PEX26: variants seen among roughly 807,000 people sequenced by gnomAD.
PEX26 encodes the protein peroxisome assembly protein 26.
Under a neutral mutation model 31.4 loss-of-function variants are expected in PEX26, and 18 were observed. The ratio of observed to expected loss-of-function variants is 0.57; its 90% CI spans 0.40 to 0.85. The LOEUF (loss-of-function observed/expected upper bound fraction) is 0.85, where lower values mean the gene tolerates loss of function less well. Among genes scored for constraint, PEX26 ranks in the 40% least tolerant of loss-of-function variants. PEX26 has a pLI of 0.00. For missense variants in PEX26, 377 were observed against 383.9 expected, an observed-to-expected ratio of 0.98 and a Z score of 0.15; for synonymous variants, 176 against 166.9, an observed-to-expected ratio of 1.05 and a Z score of -0.42.
At chr22:18,081,003 T>A (rs1295417340) in intron 2 of PEX26, among the ~76,000 whole-genome samples, 1 of 152,078 alleles carries the variant, frequency 6.6e-6, no homozygotes, top group African/African-American at 2.4e-5. Context: ...CAACTTTTTT[T>A]TTTTTTTAAA....
At chr22:18,081,245 T>TATACACAC (rs376620855) in intron 2 of PEX26, among the ~76,000 whole-genome samples, 2 of 138,024 alleles carry the variant, frequency 1.4e-5, no homozygotes, top group Admixed American at 7.4e-5. Flanking sequence ...TGTACACATA[T>TATACACAC]ACACACACAC....
At position 18,084,535 on chromosome 22, in the gene PEX26, G is replaced by A. The variant is rs142644920; in HGVS notation, c.668-577G>A. On this transcript the variant is annotated intron_variant, in intron 3 of 4. Coordinates refer to ENST00000399744, the MANE Select transcript of PEX26 (RefSeq NM_001127649.3). ...TGGGATTACTGGCATGAGCCACTGC[G>A]CCTGGCCTGAAAGGTTCTGAAAGGT... Among the ~76,000 whole-genome samples the A allele has an allele frequency of 7.9e-3, 1,204 of 152,118 alleles. 16 individuals carry two copies. The highest frequency in any genetic ancestry group is 0.027 in the African/African-American group (1,127 of 41,502).
chr22:18,078,010 G>T lies in PEX26; in HGVS notation c.-367G>T. The T allele has an allele frequency of 2.2e-6, 1 of 457,972 alleles. No homozygotes were observed. The highest frequency in any genetic ancestry group is 4.3e-6 in the Non-Finnish European group (1 of 233,432). The allele number at this position is 457,972 out of a possible 1,614,324, so 28.4% of individuals were successfully genotyped here. ...ACGCCGCGCGGCTGCGGGGCTGGGC[G>T]AGCGCAAAGATGTCCGCGCCCGCTG... On this transcript the variant is annotated 5_prime_UTR_variant, in exon 1 of 5. Coordinates refer to ENST00000399744, the MANE Select transcript of PEX26 (RefSeq NM_001127649.3).
intron 4 of PEX26, among the ~76,000 whole-genome samples, chr22:18,085,907 A>G (rs1287943213): frequency 6.6e-6 from 1 of 152,174 alleles, no homozygotes; most frequent in Non-Finnish European, 1.5e-5. Flanking sequence ...ACTTCCGCTC[A>G]TCAGAATATC....
At chr22:18,079,699 C>G (rs1450099916) in intron 1 of PEX26, among the ~76,000 whole-genome samples, 175 bp from the exon 2 acceptor site, 1 of 152,070 alleles carries the variant, frequency 6.6e-6, no homozygotes, top group Non-Finnish European at 1.5e-5. Context: ...ACTTTTAGTT[C>G]CTGGGGGAAA....
rs12159461 is a variant in PEX26 at position 18,097,239 on chromosome 22, A to G, written c.*9164A>G. 14 of 151,266 alleles carry G rather than the reference A, an allele frequency of 9.3e-5. No individual in the cohort carries two copies. In the East Asian group the frequency reaches 9.7e-4, roughly 10 times the overall value. 9.4% of individuals were successfully genotyped at this position (151,266 alleles called of 1,614,324 possible). On this transcript the variant is annotated 3_prime_UTR_variant, in exon 5 of 5. Coordinates refer to ENST00000399744, the MANE Select transcript of PEX26 (RefSeq NM_001127649.3). ...TCATTTAGCAAGTTCACCTACCCCAATGGCAGCTATGGCCGTTAGTTTTTT... is the reference window on the plus strand; with the variant it reads ...TCATTTAGCAAGTTCACCTACCCCAGTGGCAGCTATGGCCGTTAGTTTTTT...
rs371143661 is a variant in PEX26 at position 18,085,433 on chromosome 22, C to T, written c.814+175C>T. On this transcript the variant is annotated intron_variant, in intron 4 of 4. Transcript: ENST00000399744. ...CTAGACTGGGCATGAGCCAGCCCCACCCATAAGGAGAGGCCAGTCCTGGAG... is the reference window on the plus strand; with the variant it reads ...CTAGACTGGGCATGAGCCAGCCCCATCCATAAGGAGAGGCCAGTCCTGGAG... 1.6e-3 allele frequency among the ~76,000 whole-genome samples: 249 copies of T among 152,266 alleles called. 2 individuals are homozygous for T. Among genetic ancestry groups the T allele is most frequent in the African/African-American group, 5.7e-3 (235 of 41,534 alleles).
Position 18,088,084 on chromosome 22 carries a change from G to C in PEX26, c.*9G>C, listed in dbSNP as rs751561020. The C allele has an allele frequency of 3.2e-6, 5 of 1,554,688 alleles. No homozygotes were observed. Among genetic ancestry groups the C allele is most frequent in the Non-Finnish European group, 4.4e-6 (5 of 1,127,716 alleles). On this transcript the variant is annotated 3_prime_UTR_variant, in exon 5 of 5. Coordinates refer to ENST00000399744, the MANE Select transcript of PEX26 (RefSeq NM_001127649.3). The surrounding 1 kb of genome is among the most constrained non-coding windows in gnomAD (Gnocchi z 4.1). ...TCCGCATCCGTGACTGAGGGTCCCTGCGCACCACAGCCTCTCTGCTCCTCA... is the reference window on the plus strand; with the variant it reads ...TCCGCATCCGTGACTGAGGGTCCCTCCGCACCACAGCCTCTCTGCTCCTCA...
chr22:18,094,331 C>G lies in PEX26; in HGVS notation c.*6256C>G, dbSNP rs1927224269. On this transcript the variant is annotated 3_prime_UTR_variant, in exon 5 of 5. Coordinates refer to ENST00000399744, the MANE Select transcript of PEX26 (RefSeq NM_001127649.3). ...GGTTCACACCATTCTCCTGCCTCAG[C>G]CTCCCGAGTGGCTGGGACTATAGGC... 6.6e-6 allele frequency: 1 copy of G among 152,248 alleles called. No individual in the cohort carries two copies. Among genetic ancestry groups the G allele is most frequent in the Non-Finnish European group, 1.5e-5 (1 of 68,152 alleles). 9.4% of individuals were successfully genotyped at this position (152,248 alleles called of 1,614,324 possible). A position where few individuals can be genotyped will look rare whatever the true frequency, so the allele number is the denominator to read the frequency against.
chr22:18,085,797 G>A (rs1308475421), intron 4 of PEX26, among the ~76,000 whole-genome samples: 3 of 152,064 alleles, frequency 2.0e-5, no homozygotes, highest in Admixed American at 6.5e-5. Flanking sequence ...GCTTGAACCC[G>A]GGAGGCGGAG....
Position 18,080,071 on chromosome 22 carries a change from C to T in PEX26, c.371+57C>T. Reference sequence around the variant, plus strand: ...TTCAGAAACGAGAGGATTTTCATCTCCTCTCCTAAATACCTACTCTTTTCC... The same window carrying T: ...TTCAGAAACGAGAGGATTTTCATCTTCTCTCCTAAATACCTACTCTTTTCC... On this transcript the variant is annotated intron_variant, in intron 2 of 4. Coordinates refer to ENST00000399744, the MANE Select transcript of PEX26 (RefSeq NM_001127649.3). 1.9e-6 allele frequency: 3 copies of T among 1,570,368 alleles called. No individual in the cohort carries two copies. In the East Asian group the frequency reaches 6.7e-5, roughly 35 times the overall value.
In PEX26 at chr22:18,103,519, A is replaced by G. The variant is rs1226789606; in HGVS notation, c.*15444A>G. ...TTCAAACTCCTGGTAATACTTGTCCACAAAATTTCTCTATAATAACCGGAA... is the reference window on the plus strand; with the variant it reads ...TTCAAACTCCTGGTAATACTTGTCCGCAAAATTTCTCTATAATAACCGGAA... On this transcript the variant is annotated 3_prime_UTR_variant, in exon 5 of 5. Coordinates refer to ENST00000399744, the MANE Select transcript of PEX26 (RefSeq NM_001127649.3). The G allele has an allele frequency of 6.6e-6, 1 of 152,194 alleles. No homozygotes were observed. The highest frequency in any genetic ancestry group is 1.5e-5 in the Non-Finnish European group (1 of 68,026). The allele number at this position is 152,194 out of a possible 1,614,324, so 9.4% of individuals were successfully genotyped here.
chr22:18,088,215 G>A lies in PEX26; in HGVS notation c.*140G>A, dbSNP rs1247064339. The A allele has an allele frequency of 4.0e-6, 3 of 749,656 alleles. No homozygotes were observed. The highest frequency in any genetic ancestry group is 7.2e-6 in the Non-Finnish European group (3 of 414,084). 46.4% of individuals were successfully genotyped at this position (749,656 alleles called of 1,614,324 possible). A position where few individuals can be genotyped will look rare whatever the true frequency, so the allele number is the denominator to read the frequency against. On this transcript the variant is annotated 3_prime_UTR_variant, in exon 5 of 5. Transcript: ENST00000399744. This position sits in a 1 kb window ranked among gnomAD's most constrained non-coding sequence, Gnocchi z 4.1. ...GGAGTGCACTGTGTCTTGCTGCCTG[G>A]GTGCCCTCTCCTTTGCACCCTACTT...
rs1051848865 is a variant in PEX26, at chr22:18,094,614, G to A, written c.*6539G>A. 10 of 152,152 alleles carry A rather than the reference G, an allele frequency of 6.6e-5. No individual in the cohort carries two copies. The highest frequency in any genetic ancestry group is 2.4e-4 in the African/African-American group (10 of 41,436). The allele number at this position is 152,152 out of a possible 1,614,324, so 9.4% of individuals were successfully genotyped here. A position where few individuals can be genotyped will look rare whatever the true frequency, so the allele number is the denominator to read the frequency against. On this transcript the variant is annotated 3_prime_UTR_variant, in exon 5 of 5. Coordinates refer to ENST00000399744, the MANE Select transcript of PEX26 (RefSeq NM_001127649.3). ...TGTAACCTACAGGTTCTTGCCCTCA[G>A]AAAAATGCATGCATACTTTTATGTT...
chr22:18,078,406 C>A lies in PEX26; in HGVS notation c.30C>A (p.Ala10=). 1 of 1,598,858 alleles carries A rather than the reference C, an allele frequency of 6.3e-7. No individual in the cohort carries two copies. Among genetic ancestry groups the A allele is most frequent in the Non-Finnish European group, 8.5e-7 (1 of 1,174,802 alleles). The change falls in exon 1 of 5, where the codon GCC becomes GCA. Residue 10 remains alanine (A), a synonymous_variant. Transcript: ENST00000399744. ...AGAGCGATTCTTCGACCTCTGCAGC[C>A]CCCCTCAGGGGGCTCGGGGGACCCC... MKSDSSTSA[A]PLRGLGGPLR...
In PEX26 at chr22:18,093,634, A is replaced by G. The variant is rs1282101929; in HGVS notation, c.*5559A>G. On this transcript the variant is annotated 3_prime_UTR_variant, in exon 5 of 5. Coordinates refer to ENST00000399744, the MANE Select transcript of PEX26 (RefSeq NM_001127649.3). ...TTCTAACTTTAACTTCCTTAGTACC[A>G]TGCTGCAGGTTTCAGCACTGTTAAG... 1 of 152,136 alleles carries G rather than the reference A, an allele frequency of 6.6e-6. No homozygotes were observed. Among genetic ancestry groups the G allele is most frequent in the South Asian group, 2.1e-4 (1 of 4,828 alleles). 9.4% of individuals were successfully genotyped at this position (152,136 alleles called of 1,614,324 possible).
intron 1 of PEX26, 113 bp downstream of exon 1, chr22:18,078,719 T>A: frequency 1.0e-6 from 1 of 952,594 alleles, no homozygotes; most frequent in Non-Finnish European, 1.6e-6. Context: ...ACACCTCGCT[T>A]TCATCAGTGG....
rs1927563201 is a variant in PEX26 at position 18,104,549 on chromosome 22, T to TC, written c.*16475dup. 1 of 152,100 alleles carries TC rather than the reference T, an allele frequency of 6.6e-6. No homozygotes were observed. 9.4% of individuals were successfully genotyped at this position (152,100 alleles called of 1,614,324 possible). ...GGTAGCGGAGGAAGGTGGTTACCCA[T>TC]CTGTGACAGAGCCTTGGATGTCACG... is the stretch of plus-strand genomic sequence containing the variant. On this transcript the variant is annotated 3_prime_UTR_variant, in exon 5 of 5. Coordinates refer to ENST00000399744, the MANE Select transcript of PEX26 (RefSeq NM_001127649.3).
chr22:18,080,061 A>G (rs773004028), intron 2 of PEX26, 47 bp downstream of exon 2: 2 of 1,597,798 alleles, frequency 1.3e-6, no homozygotes, highest in Non-Finnish European at 1.7e-6. Context: ...AAACGAGAGG[A>G]TTTTCATCTC....
Sources: allele counts gnomAD v4.1 joint callset (sites outside exome capture counted in the v4.1 genomes callset), GRCh38; gene constraint gnomAD v4.1.1; non-coding constraint Gnocchi (gnomAD v3.1); transcripts MANE v1.5; gene names NCBI Gene and HGNC (gene_info 2026-07-23, HGNC 2026-07-21).